The following ROBO1 variants were observed in gnomAD, a reference collection of about 807,000 sequenced individuals.
ROBO1 encodes roundabout guidance receptor 1.
In ROBO1, 149 loss-of-function variants were observed where a neutral mutation model predicts 195.9. That is an observed-to-expected ratio of 0.76 (90% CI 0.67 to 0.87). The LOEUF is 0.87. ROBO1 is among the 40% of genes least tolerant of loss of function. The pLI is 0.00. For missense variants in ROBO1, 1,933 were observed against 2,068.3 expected, an observed-to-expected ratio of 0.93 and a Z score of 1.27; for synonymous variants, 816 against 733.2, an observed-to-expected ratio of 1.11 and a Z score of -1.82.
At chr3:78,923,041 T>C (rs2039028976) in intron 4 of ROBO1, among the ~76,000 whole-genome samples, 1 of 152,124 alleles carries the variant, frequency 6.6e-6, no homozygotes, top group African/African-American at 2.4e-5. Flanking sequence ...CTAGTGCAAA[T>C]TATTTTCCAA....
chr3:79,397,319 G>A (rs921915358), intron 2 of ROBO1, among the ~76,000 whole-genome samples: 16 of 151,626 alleles, frequency 1.1e-4, no homozygotes, highest in African/African-American at 3.9e-4. Context: ...AGCTAAATTT[G>A]CTCTTCAGAA....
chr3:78,869,746 G>A (rs564839090), intron 4 of ROBO1, among the ~76,000 whole-genome samples: 5 of 151,968 alleles, frequency 3.3e-5, no homozygotes, highest in Admixed American at 6.6e-5. Flanking sequence ...TACATGGGCC[G>A]CCACCCCTGG....
chr3:79,459,233 C>T (rs960450591), intron 2 of ROBO1, among the ~76,000 whole-genome samples: 4 of 152,070 alleles, frequency 2.6e-5, no homozygotes, highest in African/African-American at 9.7e-5. Context: ...TTTGTGGTTG[C>T]TTAATATGAA....
intron 1 of ROBO1, among the ~76,000 whole-genome samples, chr3:79,735,112 C>G (rs1040657952): frequency 6.6e-6 from 1 of 152,190 alleles, no homozygotes; most frequent in Non-Finnish European, 1.5e-5. Context: ...GCGGATGGAT[C>G]CATACCTTCT....
chr3:79,762,343 A>C (rs1704742494), intron 1 of ROBO1, among the ~76,000 whole-genome samples: 2 of 152,070 alleles, frequency 1.3e-5, no homozygotes, highest in Non-Finnish European at 2.9e-5. Context: ...GTCATCTCCC[A>C]AAGGCCCCAC....
intron 2 of ROBO1, among the ~76,000 whole-genome samples, chr3:79,269,377 G>A (rs976717176): frequency 3.3e-5 from 5 of 151,526 alleles, no homozygotes; most frequent in Admixed American, 6.6e-5. Flanking sequence ...TTTTCCTTAC[G>A]CCATATAACT....
intron 4 of ROBO1, among the ~76,000 whole-genome samples, chr3:78,751,205 G>C (rs1362645039): frequency 6.6e-6 from 1 of 152,070 alleles, no homozygotes. Flanking sequence ...AGTGCGGTTA[G>C]GGGCTTGATA....
chr3:78,958,771 C>T (rs1285845288), intron 3 of ROBO1, among the ~76,000 whole-genome samples: 1 of 151,912 alleles, frequency 6.6e-6, no homozygotes, highest in Non-Finnish European at 1.5e-5. Flanking sequence ...TTAAAGTTAC[C>T]TCAATCAGTC....
intron 3 of ROBO1, among the ~76,000 whole-genome samples, chr3:79,117,988 A>G (rs757986184): frequency 1.3e-4 from 20 of 152,208 alleles, no homozygotes; most frequent in Admixed American, 1.3e-3. Flanking sequence ...TAAAACAAAC[A>G]TGAAGACAAT....
chr3:79,451,153 C>A (rs1266301043), intron 2 of ROBO1, among the ~76,000 whole-genome samples: 2 of 151,664 alleles, frequency 1.3e-5, no homozygotes, highest in Non-Finnish European at 2.9e-5. Flanking sequence ...AAGATGTGTA[C>A]AGTATCTAAA....
At chr3:79,160,192 G>A (rs571719109) in intron 2 of ROBO1, among the ~76,000 whole-genome samples, 25 of 151,784 alleles carry the variant, frequency 1.6e-4, no homozygotes, top group East Asian at 5.8e-4. Flanking sequence ...TTTCTCAAGC[G>A]TTGATGTTCA....
chr3:78,901,944 T>C (rs961550263), intron 4 of ROBO1, among the ~76,000 whole-genome samples: 7 of 152,150 alleles, frequency 4.6e-5, no homozygotes, highest in Admixed American at 2.0e-4. Flanking sequence ...TCCAGGAAAT[T>C]ACGTTTATTT....
chr3:78,924,508 A>T (rs940528721), intron 4 of ROBO1, among the ~76,000 whole-genome samples: 1 of 152,128 alleles, frequency 6.6e-6, no homozygotes, highest in Non-Finnish European at 1.5e-5. Flanking sequence ...AAAATAAAAA[A>T]TATTTGGATC....
intron 2 of ROBO1, among the ~76,000 whole-genome samples, chr3:79,586,128 T>G (rs1943822630): frequency 6.6e-6 from 1 of 151,988 alleles, no homozygotes; most frequent in Non-Finnish European, 1.5e-5. Context: ...AAAGGAGATT[T>G]TTTAAAATCT....
At chr3:79,517,215 G>A (rs373598933) in intron 2 of ROBO1, among the ~76,000 whole-genome samples, 12 of 152,200 alleles carry the variant, frequency 7.9e-5, no homozygotes, top group South Asian at 6.2e-4. Flanking sequence ...TCACTCCTGG[G>A]TTCATTTCAA....
chr3:79,266,184 T>C (rs1046699360), intron 2 of ROBO1, among the ~76,000 whole-genome samples: 11 of 151,724 alleles, frequency 7.3e-5, no homozygotes, highest in African/African-American at 2.7e-4. Flanking sequence ...CCACAGATAT[T>C]CTTTAAGATG....
In ROBO1 at chr3:78,709,408, C is replaced by T. The variant is rs112322262; in HGVS notation, c.1045+4989G>A. Among the ~76,000 whole-genome samples, 298 of 152,022 alleles carry T rather than the reference C, an allele frequency of 2.0e-3. 2 individuals carry two copies. The highest frequency in any genetic ancestry group is 6.8e-3 in the African/African-American group (283 of 41,464). ...GGAATCAGGATATTCTTTTTATTGC[C>T]TAAATATTTACAGAGCCCAGAAAAA... On this transcript the variant is annotated intron_variant, in intron 8 of 30. Coordinates refer to ENST00000464233, the MANE Select transcript of ROBO1 (RefSeq NM_002941.4).
chr3:79,456,282 A>C (rs993319537), intron 2 of ROBO1, among the ~76,000 whole-genome samples: 8 of 152,194 alleles, frequency 5.3e-5, no homozygotes, highest in African/African-American at 1.7e-4. Flanking sequence ...ATGAAATCTT[A>C]AGTATTTCTC....
chr3:79,008,752 C>A (rs1355584145), intron 3 of ROBO1, among the ~76,000 whole-genome samples: 1 of 71,174 alleles, frequency 1.4e-5, no homozygotes, highest in African/African-American at 6.2e-5. Context: ...CTACACCATG[C>A]TAATTTTTTT....
Sources: gnomAD v4.1 joint callset for allele counts (sites outside exome capture counted in the v4.1 genomes callset) on GRCh38, gnomAD v4.1.1 for gene constraint, MANE v1.5 for transcripts, NCBI Gene and HGNC (gene_info 2026-07-23, HGNC 2026-07-21) for gene names.